Variants in ZNF331 observed in about 807,000 individuals in gnomAD.
The protein encoded by ZNF331 is zinc finger protein 331, also known as C2H2-like zinc finger protein rearranged in thyroid adenomas.
In ZNF331, 2 loss-of-function variants were observed where a neutral mutation model predicts 7.0. The observed-to-expected ratio is 0.29, with a 90% CI of 0.12 to 0.90. The LOEUF (loss-of-function observed/expected upper bound fraction) is 0.90. Among genes scored for constraint, ZNF331 ranks in the 40% least tolerant of loss-of-function variants. The probability of loss-of-function intolerance (pLI) is 0.58; values close to 1 mark genes in which losing one functional copy is unlikely to be tolerated. For synonymous variants in ZNF331, 196 were observed against 205.4 expected (o/e 0.95, Z 0.39); for missense variants, 432 against 587.7 (o/e 0.74, Z 2.74).
chr19:53,572,603 CAT>C (rs1268825327), intron 5 of ZNF331, among the ~76,000 whole-genome samples: 6 of 62,008 alleles, frequency 9.7e-5, no homozygotes, highest in Non-Finnish European at 1.4e-4. Context: ...TATATATACA[CAT>C]ATATATTATA....
At chr19:53,567,029 A>T (rs1466793547) in intron 3 of ZNF331, among the ~76,000 whole-genome samples, 1 of 152,038 alleles carries the variant, frequency 6.6e-6, no homozygotes, top group Non-Finnish European at 1.5e-5. Flanking sequence ...ATGGAATTTT[A>T]CAAATGTTAT....
At chr19:53,569,233 A>G (rs1179168436) in intron 3 of ZNF331, 71 bp from the exon 4 acceptor site, 1 of 780,602 alleles carries the variant, frequency 1.3e-6, no homozygotes, top group African/African-American at 1.7e-5. Flanking sequence ...CAGAGGAGCC[A>G]AAAGGTCATA....
Position 53,573,832 on chromosome 19 carries a change from G to C in ZNF331, c.136+2102G>C, listed in dbSNP as rs116061831. On this transcript the variant is annotated intron_variant, in intron 5 of 5. Coordinates refer to ENST00000449416, the MANE Select transcript of ZNF331 (RefSeq NM_001079906.2). This position sits in a 1 kb window ranked among gnomAD's most constrained non-coding sequence, Gnocchi z 4.2. ...AATACTCAATCAAAAAAAATTTAAG[G>C]CCAGGCATGGTGGTTCACGCCTATA... Among the ~76,000 whole-genome samples, 2,713 of 152,202 alleles carry C rather than the reference G, an allele frequency of 0.018. 73 individuals are homozygous for C. The highest frequency in any genetic ancestry group is 0.061 in the African/African-American group (2,539 of 41,526).
chr19:53,572,565 C>A (rs1020946687), intron 5 of ZNF331, among the ~76,000 whole-genome samples: 1 of 142,766 alleles, frequency 7.0e-6, no homozygotes, highest in Non-Finnish European at 1.5e-5. Flanking sequence ...TATACACACA[C>A]ATATATATTA....
intron 5 of ZNF331, 74 bp from the exon 6 acceptor site, chr19:53,576,623 G>A (rs1016476280): frequency 7.5e-7 from 1 of 1,326,964 alleles, no homozygotes; most frequent in Non-Finnish European, 1.0e-6. Context: ...TATTAGACGA[G>A]TTTTTGGTTT....
intron 2 of ZNF331, among the ~76,000 whole-genome samples, chr19:53,527,442 A>G (rs2147250478): frequency 6.6e-6 from 1 of 152,306 alleles, no homozygotes; most frequent in South Asian, 2.1e-4. Context: ...TAACCTTAAG[A>G]TAGGGAGATT....
At chr19:53,522,982 T>C (rs768871922) in intron 2 of ZNF331, among the ~76,000 whole-genome samples, 9 of 152,248 alleles carry the variant, frequency 5.9e-5, no homozygotes, top group Non-Finnish European at 8.8e-5. Context: ...ACACCAGATA[T>C]CTTTGGTCTT....
intron 3 of ZNF331, among the ~76,000 whole-genome samples, chr19:53,559,946 CCA>C (rs139634754): frequency 0.044 from 6,552 of 149,004 alleles, 388 homozygotes; most frequent in African/African-American, 0.13. Context: ...TACATACACA[CCA>C]CACACACACA....
intron 2 of ZNF331, among the ~76,000 whole-genome samples, chr19:53,545,721 C>T (rs949410559): frequency 6.6e-6 from 1 of 152,186 alleles, no homozygotes; most frequent in Non-Finnish European, 1.5e-5. Context: ...CTGAGAGCAG[C>T]GGCCCCCAGT....
At chr19:53,559,468 TAC>T (rs1015752290) in intron 3 of ZNF331, among the ~76,000 whole-genome samples, 5 of 149,654 alleles carry the variant, frequency 3.3e-5, no homozygotes, top group Non-Finnish European at 5.9e-5. Context: ...ATACACACCA[TAC>T]ACACATGCAC....
chr19:53,573,001 T>C lies in ZNF331; in HGVS notation c.136+1271T>C, dbSNP rs928657750. Reference sequence around the variant, plus strand: ...TGGGAGGCTGAGGTGGGCGGATCACTGGAGGTCAGGAGTTAGAGACCAGCC... The same window carrying C: ...TGGGAGGCTGAGGTGGGCGGATCACCGGAGGTCAGGAGTTAGAGACCAGCC... On this transcript the variant is annotated intron_variant, in intron 5 of 5. Transcript: ENST00000449416. This position sits in a 1 kb window ranked among gnomAD's most constrained non-coding sequence, Gnocchi z 4.2. 6.6e-6 allele frequency among the ~76,000 whole-genome samples: 1 copy of C among 152,022 alleles called. No individual in the cohort carries two copies. The highest frequency in any genetic ancestry group is 6.6e-5 in the Admixed American group (1 of 15,218).
At chr19:53,530,047 C>A (rs565953502) in intron 2 of ZNF331, among the ~76,000 whole-genome samples, 19 of 152,146 alleles carry the variant, frequency 1.2e-4, no homozygotes, top group Admixed American at 3.3e-4. Flanking sequence ...CGACATCTGG[C>A]ATCCACTTGG....
chr19:53,536,918 A>C (rs566025427), upstream of ZNF331, among the ~76,000 whole-genome samples: 2 of 152,244 alleles, frequency 1.3e-5, no homozygotes, highest in African/African-American at 4.8e-5. Flanking sequence ...CAAACAAACA[A>C]ACAAACAAAA....
At chr19:53,559,322 CTACA>C in intron 3 of ZNF331, among the ~76,000 whole-genome samples, 1 of 148,294 alleles carries the variant, frequency 6.7e-6, no homozygotes, top group Middle Eastern at 3.8e-3. Flanking sequence ...ATGTACACAC[CTACA>C]TATAGAGACA....
At chr19:53,564,063 G>T (rs1433347340) in intron 3 of ZNF331, among the ~76,000 whole-genome samples, 1 of 125,656 alleles carries the variant, frequency 8.0e-6, no homozygotes, top group East Asian at 2.5e-4. Flanking sequence ...AAAGAGCACA[G>T]AGCCTGCATT....
chr19:53,541,105 C>CTTT, intron 2 of ZNF331, among the ~76,000 whole-genome samples: 1 of 94,138 alleles, frequency 1.1e-5, no homozygotes. Flanking sequence ...AATCATATTT[C>CTTT]TTTTCTTTTT....
upstream of ZNF331, among the ~76,000 whole-genome samples, chr19:53,514,693 C>T (rs1373685044): frequency 2.9e-5 from 3 of 104,190 alleles, no homozygotes; most frequent in African/African-American, 1.1e-4. Flanking sequence ...CACTGTCGCC[C>T]AGGCTGGAGT....
At chr19:53,514,039 C>T in the ZNF331 span, among the ~76,000 whole-genome samples, 1 of 152,150 alleles carries the variant, frequency 6.6e-6, no homozygotes, top group African/African-American at 2.4e-5. Flanking sequence ...TATTTTCTCC[C>T]ATTATCATGC....
chr19:53,543,735 G>A (rs557565474), intron 2 of ZNF331, among the ~76,000 whole-genome samples: 6 of 152,096 alleles, frequency 3.9e-5, no homozygotes, highest in Non-Finnish European at 5.9e-5. Context: ...ATACTTGCCA[G>A]TTGTAACAAT....
Sources: gnomAD v4.1 joint callset for allele counts (sites outside exome capture counted in the v4.1 genomes callset) on GRCh38, gnomAD v4.1.1 for gene constraint, Gnocchi (gnomAD v3.1) non-coding constraint, MANE v1.5 for transcripts, NCBI Gene and HGNC (gene_info 2026-07-23, HGNC 2026-07-21) for gene names.